ITGB8: variants seen among roughly 807,000 people sequenced by gnomAD.
ITGB8 encodes the protein integrin beta-8.
ITGB8 carries 30 observed loss-of-function variants against 89.5 expected under a neutral mutation model. The observed-to-expected ratio is 0.34, with a 90% confidence interval of 0.25 to 0.45. The LOEUF is 0.45. ITGB8 is among the 20% of genes least tolerant of loss of function. The probability of loss-of-function intolerance (pLI) is 1.00; values close to 1 mark genes in which losing one functional copy is unlikely to be tolerated. For missense variants in ITGB8, 836 were observed against 933.3 expected, an observed-to-expected ratio of 0.90 and a Z score of 1.36; for synonymous variants, 335 against 320.4, an observed-to-expected ratio of 1.05 and a Z score of -0.49.
Position 20,331,912 on chromosome 7 carries a change from G to C in ITGB8, c.106G>C (p.Val36Leu). The change falls in exon 1 of 14, where the codon GTT becomes CTT. Residue 36 changes from valine (V) to leucine (L), a missense_variant. By Grantham distance (32) the Val-to-Leu change is conservative. Around this residue, in one of 5 missense-constraint regions of ITGB8, gnomAD observed 182 missense variants for 177.0 expected, o/e 1.03. Transcript: ENST00000222573. Reference sequence around the variant, plus strand: ...CTGGGCAGCCTGGGTGTTTTCACTTGTTCTTGGACTGGGCCAAGGTGGTAA... The same window carrying C: ...CTGGGCAGCCTGGGTGTTTTCACTTCTTCTTGGACTGGGCCAAGGTGGTAA... Reference protein sequence around the residue: ...FLWAAWVFSLVLGLGQGEDNR... With the variant: ...FLWAAWVFSLLLGLGQGEDNR... 5 of 1,614,206 alleles carry C rather than the reference G, an allele frequency of 3.1e-6. No individual in the cohort carries two copies. Among genetic ancestry groups the C allele is most frequent in the Non-Finnish European group, 1.7e-6 (2 of 1,180,050 alleles).
intron 1 of ITGB8, 169 bp downstream of exon 1, chr7:20,332,102 G>C (rs567623405): frequency 1.4e-5 from 19 of 1,356,796 alleles, no homozygotes; most frequent in Non-Finnish European, 1.6e-5. Context: ...TAGAGGCCAG[G>C]TGTCAAGCAT....
chr7:20,410,058 A>G lies in ITGB8; in HGVS notation c.*61A>G. On this transcript the variant is annotated 3_prime_UTR_variant, in exon 14 of 14. Transcript: ENST00000222573. Reference sequence around the variant, plus strand: ...TTGTTAATAATTGCTCCTAAAGATTATAATTTTAAAAGTCACAGGAGGAGA... The same window carrying G: ...TTGTTAATAATTGCTCCTAAAGATTGTAATTTTAAAAGTCACAGGAGGAGA... 1 of 1,541,192 alleles carries G rather than the reference A, an allele frequency of 6.5e-7. No individual in the cohort carries two copies. The highest frequency in any genetic ancestry group is 1.9e-5 in the Admixed American group (1 of 51,928).
intron 3 of ITGB8, among the ~76,000 whole-genome samples, chr7:20,368,332 A>T (rs1374916254): frequency 3.9e-5 from 6 of 152,206 alleles, no homozygotes; most frequent in Non-Finnish European, 7.4e-5. Context: ...ATTCTTTTTT[A>T]GAAAAAGAGA....
chr7:20,380,573 C>T, intron 4 of ITGB8, 93 bp from the exon 5 acceptor site: 1 of 1,012,270 alleles, frequency 9.9e-7, no homozygotes, highest in Non-Finnish European at 1.5e-6. Context: ...AGAAGTACTC[C>T]CTTTTCACAC....
intron 12 of ITGB8, among the ~76,000 whole-genome samples, chr7:20,407,648 G>C (rs1409310654): frequency 2.0e-5 from 3 of 152,072 alleles, no homozygotes; most frequent in Non-Finnish European, 2.9e-5. Flanking sequence ...AGCCCCATGT[G>C]CTGCCAGCTG....
Position 20,381,929 on chromosome 7 carries a change from A to G in ITGB8, c.960+44A>G, listed in dbSNP as rs766897317. 5.3e-6 allele frequency: 8 copies of G among 1,523,036 alleles called. No homozygotes were observed. The South Asian group carries it at 7.3e-5, about 14-fold the overall frequency. 94.3% of individuals were successfully genotyped at this position (1,523,036 alleles called of 1,614,324 possible). A position where few individuals can be genotyped will look rare whatever the true frequency, so the allele number is the denominator to read the frequency against. ...CTTAGTAGATATGACTCTTTTGGTT[A>G]AAGTACAATTTTAAATTGGCAACTC... On this transcript the variant is annotated intron_variant, in intron 6 of 13. Transcript: ENST00000222573.
At chr7:20,361,116 T>G (rs1785486648) in intron 1 of ITGB8, among the ~76,000 whole-genome samples, 1 of 152,052 alleles carries the variant, frequency 6.6e-6, no homozygotes, top group East Asian at 1.9e-4. Flanking sequence ...GATGTTGAGC[T>G]TTTTTTCATA....
At chr7:20,382,553 CACTT>C (rs1414049604) in intron 6 of ITGB8, among the ~76,000 whole-genome samples, 1 of 152,174 alleles carries the variant, frequency 6.6e-6, no homozygotes, top group Non-Finnish European at 1.5e-5. Context: ...CTGATGTTGA[CACTT>C]ATTTATATAT....
At chr7:20,343,913 G>C (rs1046216877) in intron 1 of ITGB8, among the ~76,000 whole-genome samples, 1 of 152,148 alleles carries the variant, frequency 6.6e-6, no homozygotes, top group South Asian at 2.1e-4. Flanking sequence ...TGCTTGGTGA[G>C]TACATCATTT....
intron 6 of ITGB8, among the ~76,000 whole-genome samples, chr7:20,387,644 T>C (rs1786681527): frequency 6.6e-6 from 1 of 152,224 alleles, no homozygotes; most frequent in Non-Finnish European, 1.5e-5. Flanking sequence ...AAGAGGGTGC[T>C]ACTGGCACCT....
chr7:20,356,478 T>A (rs1785298314), intron 1 of ITGB8, among the ~76,000 whole-genome samples: 1 of 152,198 alleles, frequency 6.6e-6, no homozygotes, highest in Non-Finnish European at 1.5e-5. Context: ...ATTTTGACTG[T>A]TATCAAAGCA....
chr7:20,344,642 T>C (rs1005607249), intron 1 of ITGB8, among the ~76,000 whole-genome samples: 1 of 152,190 alleles, frequency 6.6e-6, no homozygotes, highest in South Asian at 2.1e-4. Flanking sequence ...CAGGGAGCAG[T>C]GCAGAATGGC....
rs773433823 is a variant in ITGB8, at chr7:20,406,034, A to G, written c.1914-28A>G. Reference sequence around the variant, plus strand: ...AGTCCACCACCTTTTTAAAGAATAAATATTTTCACTTCTGTTTCCCCTTGC... The same window carrying G: ...AGTCCACCACCTTTTTAAAGAATAAGTATTTTCACTTCTGTTTCCCCTTGC... On this transcript the variant is annotated intron_variant, in intron 11 of 13. Transcript: ENST00000222573. The G allele has an allele frequency of 5.3e-6, 7 of 1,311,502 alleles. No individual in the cohort carries two copies. The Admixed American group carries it at 1.0e-4, about 19-fold the overall frequency. The allele number at this position is 1,311,502 out of a possible 1,614,324, so 81.2% of individuals were successfully genotyped here.
In ITGB8 at chr7:20,411,696, T is replaced by C. The variant is rs1367061154; in HGVS notation, c.*1699T>C. Reference sequence around the variant, plus strand: ...TGTATGAGGAAAGTTCAAAGCAAAATAGAAAGGAATAATTCAAACTGAATT... The same window carrying C: ...TGTATGAGGAAAGTTCAAAGCAAAACAGAAAGGAATAATTCAAACTGAATT... On this transcript the variant is annotated 3_prime_UTR_variant, in exon 14 of 14. Transcript: ENST00000222573. 3 of 152,588 alleles carry C rather than the reference T, an allele frequency of 2.0e-5. No individual in the cohort carries two copies. Among genetic ancestry groups the C allele is most frequent in the Non-Finnish European group, 4.4e-5 (3 of 68,028 alleles). 9.5% of individuals were successfully genotyped at this position (152,588 alleles called of 1,614,324 possible).
At position 20,392,338 on chromosome 7, in the gene ITGB8, C is replaced by G. The variant is rs548428770; in HGVS notation, c.1056+840C>G. On this transcript the variant is annotated intron_variant, in intron 7 of 13. Coordinates refer to ENST00000222573, the MANE Select transcript of ITGB8 (RefSeq NM_002214.3). ...CCCCTCAGTGGCCAGTCCCCAGTGC[C>G]CTCTACTTATTTTTAAAAACTGCAG... Among the ~76,000 whole-genome samples the G allele has an allele frequency of 2.6e-5, 4 of 152,226 alleles. No homozygotes were observed. The South Asian group carries it at 8.3e-4, about 32-fold the overall frequency.
chr7:20,331,286 T>A lies in ITGB8; in HGVS notation c.-521T>A, dbSNP rs1372043101. The A allele has an allele frequency of 5.7e-6, 2 of 349,242 alleles. No homozygotes were observed. The highest frequency in any genetic ancestry group is 4.2e-5 in the African/African-American group (2 of 47,562). The allele number at this position is 349,242 out of a possible 1,614,324, so 21.6% of individuals were successfully genotyped here. A position where few individuals can be genotyped will look rare whatever the true frequency, so the allele number is the denominator to read the frequency against. On this transcript the variant is annotated 5_prime_UTR_variant, in exon 1 of 14. It removes an upstream start codon present in the reference 5' UTR. Transcript: ENST00000222573. ...CTGTGGAAGCAACTGCGCTGATTGATGCGCCACAGACTTTTTTCCCCTCGA... is the reference window on the plus strand; with the variant it reads ...CTGTGGAAGCAACTGCGCTGATTGAAGCGCCACAGACTTTTTTCCCCTCGA...
chr7:20,388,882 C>T (rs373515751), intron 6 of ITGB8, among the ~76,000 whole-genome samples: 3 of 152,032 alleles, frequency 2.0e-5, no homozygotes, highest in Admixed American at 6.6e-5. Context: ...TGAGAACATG[C>T]GGTGTTTGTT....
chr7:20,382,164 T>G (rs954573464), intron 6 of ITGB8: 1 of 268,962 alleles, frequency 3.7e-6, no homozygotes, highest in Non-Finnish European at 6.9e-6. Flanking sequence ...AAGATTTTAC[T>G]TTTTATGTAA....
chr7:20,390,859 C>T (rs1021484710), intron 6 of ITGB8, among the ~76,000 whole-genome samples: 1 of 151,960 alleles, frequency 6.6e-6, no homozygotes, highest in Non-Finnish European at 1.5e-5. Context: ...AGAGCATTTC[C>T]TGCTTCTAAA....
Sources: allele counts gnomAD v4.1 joint callset (sites outside exome capture counted in the v4.1 genomes callset), GRCh38; gene constraint gnomAD v4.1.1; regional missense constraint gnomAD v4.1.1; transcripts MANE v1.5; gene names NCBI Gene and HGNC (gene_info 2026-07-23, HGNC 2026-07-21).